Variants in LRRC74B observed in about 807,000 individuals in gnomAD.
The protein encoded by LRRC74B is leucine rich repeat containing 74B.
A neutral mutation model predicts 16.6 loss-of-function variants in LRRC74B; 30 were observed. The ratio of observed to expected loss-of-function variants is 1.80; its 90% CI spans 1.35 to 2.45. The LOEUF is 2.45. Among genes scored for constraint, LRRC74B ranks in the 30% most tolerant of loss-of-function variants. The pLI is 0.00. For missense variants in LRRC74B, 326 were observed against 202.4 expected (o/e 1.61, Z -3.71); for synonymous variants, 134 against 86.0 (o/e 1.56, Z -3.09).
chr22:21,048,961 G>A, exon 4 of LRRC74B: 2 of 716,290 alleles, frequency 2.8e-6, no homozygotes, highest in Non-Finnish European at 5.2e-6. Context: ...ATGTGGACCT[G>A]TCGGAGAACC....
At chr22:21,046,475 C>A (rs1384957818) in intron 1 of LRRC74B, among the ~76,000 whole-genome samples, 2 of 152,156 alleles carry the variant, frequency 1.3e-5, no homozygotes, top group Admixed American at 6.5e-5. Flanking sequence ...TTAAAAGACA[C>A]AGCATGCAAT....
At chr22:21,057,890 T>C (rs1281175589) in intron 8 of LRRC74B, among the ~76,000 whole-genome samples, 1 of 149,388 alleles carries the variant, frequency 6.7e-6, no homozygotes, top group Non-Finnish European at 1.5e-5. Flanking sequence ...AATTTTGATT[T>C]TTTTTTTTTT....
chr22:21,058,655 C>T (rs867159670), intron 8 of LRRC74B, among the ~76,000 whole-genome samples: 2 of 152,078 alleles, frequency 1.3e-5, no homozygotes, highest in Non-Finnish European at 2.9e-5. Flanking sequence ...TTGGGACAAC[C>T]GATGTCAAAC....
chr22:21,059,519 C>A (rs1470435390), intron 8 of LRRC74B, among the ~76,000 whole-genome samples: 1 of 152,256 alleles, frequency 6.6e-6, no homozygotes, highest in Non-Finnish European at 1.5e-5. Context: ...CGAGACCATG[C>A]CAATGCATTC....
chr22:21,056,747 C>G (rs781228980), intron 7 of LRRC74B: 1 of 235,402 alleles, frequency 4.2e-6, no homozygotes, highest in Non-Finnish European at 8.2e-6. Context: ...CCAGATACAC[C>G]TCCCCTCCCA....
At chr22:21,053,470 C>T in exon 6 of LRRC74B, 1 of 716,918 alleles carries the variant, frequency 1.4e-6, no homozygotes, top group Non-Finnish European at 2.6e-6. Context: ...AGGAACTCAA[C>T]ATGAGGTGAG....
rs118136772 is a variant in LRRC74B at position 21,052,547 on chromosome 22, C to A, written c.732+189C>A. The stretch of plus-strand genomic sequence containing the variant: ...AGTGACCACAATACACTGTGCTCAC[C>A]GTCACATACTTTCCTGAAGGGTCAC... On this transcript the variant is annotated intron_variant, in intron 5 of 8. Coordinates refer to ENST00000442047, the Ensembl canonical transcript of LRRC74B. 1.3e-4 allele frequency among the ~76,000 whole-genome samples: 20 copies of A among 152,264 alleles called. 1 individual carries two copies. In the East Asian group the frequency reaches 3.1e-3, roughly 23 times the overall value.
At chr22:21,047,822 T>C in intron 2 of LRRC74B, 62 bp from the exon 3 acceptor site, 1 of 701,454 alleles carries the variant, frequency 1.4e-6, no homozygotes, top group Non-Finnish European at 2.7e-6. Context: ...GGATGTGGAG[T>C]GGGCTGAGCC....
rs564081869 is a variant in LRRC74B at position 21,052,302 on chromosome 22, G to A, written c.676G>A (p.Val226Met). ...AAACACAGGACTCACCGAGCTTAAC[G>A]TGAGCTGGAATCACCTCCGGGGCCC... is the stretch of plus-strand genomic sequence containing the variant. Residue 226 changes from valine (V) to methionine (M), a missense_variant, in exon 5 of 9, where the codon GTG becomes ATG. Transcript: ENST00000442047. 1.7e-4 allele frequency: 123 copies of A among 717,532 alleles called. No homozygotes were observed. In the African/African-American group the frequency reaches 1.8e-3, roughly 11 times the overall value. The allele number at this position is 717,532 out of a possible 1,614,324, so 44.4% of individuals were successfully genotyped here.
At chr22:21,058,450 G>T (rs1397606198) in intron 8 of LRRC74B, among the ~76,000 whole-genome samples, 3 of 152,044 alleles carry the variant, frequency 2.0e-5, no homozygotes, top group Non-Finnish European at 4.4e-5. Flanking sequence ...GGAGTTTGTG[G>T]CTTCAGTGAG....
chr22:21,060,706 C>T (rs1039542050), downstream of LRRC74B: 10 of 521,682 alleles, frequency 1.9e-5, no homozygotes, highest in Non-Finnish European at 3.4e-5. Flanking sequence ...ACGGACCCTG[C>T]ACTCATCTGG....
downstream of LRRC74B, among the ~76,000 whole-genome samples, chr22:21,061,533 C>T (rs12166849): frequency 4.3e-5 from 6 of 139,304 alleles, no homozygotes; most frequent in South Asian, 1.2e-3. Flanking sequence ...TGCAGTGGCA[C>T]GTGCCTGTAG....
At chr22:21,050,604 C>T (rs935485827) in intron 4 of LRRC74B, among the ~76,000 whole-genome samples, 2 of 151,534 alleles carry the variant, frequency 1.3e-5, no homozygotes, top group African/African-American at 4.8e-5. Flanking sequence ...CGGTGAAATG[C>T]CGTCTCTACT....
chr22:21,047,820 A>C, intron 2 of LRRC74B, 64 bp from the exon 3 acceptor site: 1 of 702,170 alleles, frequency 1.4e-6, no homozygotes, highest in South Asian at 1.5e-5. Context: ...GAGGATGTGG[A>C]GTGGGCTGAG....
intron 4 of LRRC74B, among the ~76,000 whole-genome samples, chr22:21,051,518 A>G (rs1569197468): frequency 6.6e-6 from 1 of 151,476 alleles, no homozygotes; most frequent in Non-Finnish European, 1.5e-5. Context: ...CAGCTGTGCC[A>G]GCCCTGTTGC....
intron 7 of LRRC74B, 146 bp downstream of exon 7, chr22:21,055,322 G>A (rs1310325495): frequency 1.6e-6 from 1 of 607,826 alleles, no homozygotes; most frequent in Middle Eastern, 2.6e-4. Flanking sequence ...CCTGAATCTG[G>A]GGCCTGGCCC....
intron 5 of LRRC74B, 51 bp downstream of exon 5, chr22:21,052,409 C>G: frequency 1.4e-6 from 1 of 714,168 alleles, no homozygotes; most frequent in Non-Finnish European, 2.6e-6. Flanking sequence ...TGGGGCCTGT[C>G]TCCCAGGGGC....
intron 3 of LRRC74B, chr22:21,048,558 T>C (rs1929685935): frequency 6.9e-6 from 2 of 288,658 alleles, no homozygotes; most frequent in Non-Finnish European, 1.3e-5. Flanking sequence ...GTCAGAAGAG[T>C]GTGTGACCCA....
chr22:21,050,282 G>A (rs1211197351), intron 4 of LRRC74B, among the ~76,000 whole-genome samples: 11 of 151,860 alleles, frequency 7.2e-5, no homozygotes, highest in Non-Finnish European at 1.5e-4. Context: ...TGATCCGCCC[G>A]CCTTGGCCTC....
Sources: gnomAD v4.1 joint callset for allele counts (sites outside exome capture counted in the v4.1 genomes callset) on GRCh38, gnomAD v4.1.1 for gene constraint, MANE v1.5 for transcripts, NCBI Gene and HGNC (gene_info 2026-07-23, HGNC 2026-07-21) for gene names.